Variants in PDE1C observed in about 807,000 individuals in gnomAD.
PDE1C encodes the protein dual specificity calcium/calmodulin-dependent 3',5'-cyclic nucleotide phosphodiesterase 1C.
A neutral mutation model predicts 93.1 loss-of-function variants in PDE1C; 62 were observed. The ratio of observed to expected loss-of-function variants is 0.67; its 90% CI spans 0.54 to 0.82. PDE1C has a LOEUF of 0.82. PDE1C is among the 40% of genes least tolerant of loss of function. PDE1C has a pLI of 0.00. For missense variants in PDE1C, 742 were observed against 884.6 expected (o/e 0.84, Z 2.04); for synonymous variants, 325 against 310.1 (o/e 1.05, Z -0.50).
intron 2 of PDE1C, among the ~76,000 whole-genome samples, chr7:31,994,157 T>C (rs186787996): frequency 1.3e-5 from 2 of 152,256 alleles, no homozygotes; most frequent in Admixed American, 6.5e-5. Context: ...AATCACAATG[T>C]GTGGTAGAAA....
At chr7:32,346,054 C>T (rs1585119196) in intron 1 of PDE1C, among the ~76,000 whole-genome samples, 2 of 152,232 alleles carry the variant, frequency 1.3e-5, no homozygotes, top group East Asian at 3.9e-4. Flanking sequence ...TCATAATGGC[C>T]CAAAACTGGA....
At chr7:32,283,853 G>T (rs1008511163) in intron 1 of PDE1C, among the ~76,000 whole-genome samples, 1 of 152,142 alleles carries the variant, frequency 6.6e-6, no homozygotes, top group African/African-American at 2.4e-5. Flanking sequence ...CAGCCATACC[G>T]CAGAACTCCA....
Position 31,775,696 on chromosome 7 carries a change from CTTGGGGCTGGTG to C in PDE1C, c.1916_1927del (p.Ser639_Ser643delinsCys). 1 of 1,612,772 alleles carries C rather than the reference CTTGGGGCTGGTG, an allele frequency of 6.2e-7. No homozygotes were observed. The highest frequency in any genetic ancestry group is 8.5e-7 in the Non-Finnish European group (1 of 1,179,854). On this transcript the variant is annotated inframe_deletion, in exon 17 of 18. Coordinates refer to ENST00000396191, the MANE Select transcript of PDE1C (RefSeq NM_001191057.4). Reference sequence around the variant, plus strand: ...CGTAAGGCGACACGTGGAGCTGGTGCTTGGGGCTGGTGAGCCGTGAGAACGCTGTTTTGTGCC... The same window carrying C: ...CGTAAGGCGACACGTGGAGCTGGTGCAGCCGTGAGAACGCTGTTTTGTGCC...
chr7:31,878,415 C>A (rs980292086), intron 4 of PDE1C, among the ~76,000 whole-genome samples: 37 of 152,140 alleles, frequency 2.4e-4, no homozygotes, highest in African/African-American at 8.7e-4. Flanking sequence ...ATAGCTTGTT[C>A]TTTAGAACTG....
intron 2 of PDE1C, among the ~76,000 whole-genome samples, chr7:32,182,205 G>A (rs1259924195): frequency 6.6e-6 from 1 of 152,122 alleles, no homozygotes; most frequent in Non-Finnish European, 1.5e-5. Flanking sequence ...ATTCACAGCC[G>A]AATTCTACCA....
At chr7:32,136,165 A>AAGATGAACAAGTTAAGGGG (rs1177856079) in intron 3 of PDE1C, among the ~76,000 whole-genome samples, 1 of 152,120 alleles carries the variant, frequency 6.6e-6, no homozygotes, top group Non-Finnish European at 1.5e-5. Flanking sequence ...TTTAAGTTAT[A>AAGATGAACAAGTTAAGGGG]AGATGAACAA....
chr7:31,937,386 T>A (rs1183878325), intron 2 of PDE1C, among the ~76,000 whole-genome samples: 1 of 152,226 alleles, frequency 6.6e-6, no homozygotes, highest in African/African-American at 2.4e-5. Flanking sequence ...GAATTTGGTA[T>A]CTTACTGCTA....
intron 2 of PDE1C, among the ~76,000 whole-genome samples, chr7:32,204,991 T>C (rs1292529163): frequency 3.3e-5 from 5 of 152,202 alleles, no homozygotes; most frequent in South Asian, 2.1e-4. Context: ...TAAGTATATA[T>C]GAAATTAAAG....
At position 31,808,628 on chromosome 7, in the gene PDE1C, AC is replaced by A. The variant is rs3840586; in HGVS notation, c.1891+402del. 9.5e-4 allele frequency among the ~76,000 whole-genome samples: 145 copies of A among 152,128 alleles called. 2 individuals carry two copies. The East Asian group carries it at 0.024, about 25-fold the overall frequency. ...ATAAGAACTAGTTCAAGGAAAAAAA[AC>A]ATGAAAACATAAAACATGGAACATT... On this transcript the variant is annotated intron_variant, in intron 16 of 17. Coordinates refer to ENST00000396191, the MANE Select transcript of PDE1C (RefSeq NM_001191057.4).
At chr7:32,355,984 G>C (rs905598351) in intron 1 of PDE1C, among the ~76,000 whole-genome samples, 1 of 152,162 alleles carries the variant, frequency 6.6e-6, no homozygotes, top group African/African-American at 2.4e-5. Context: ...ATTTCACTGG[G>C]ATGTGTTCCT....
chr7:31,743,799 A>T, the PDE1C span, among the ~76,000 whole-genome samples: 2 of 152,180 alleles, frequency 1.3e-5, no homozygotes, highest in African/African-American at 4.8e-5. Context: ...GGGCTGGTGT[A>T]GCAGTTCAGT....
chr7:32,170,558 A>G (rs537163235), intron 2 of PDE1C, among the ~76,000 whole-genome samples: 2 of 152,242 alleles, frequency 1.3e-5, no homozygotes, highest in East Asian at 3.9e-4. Flanking sequence ...CTCAACAGTG[A>G]GAAGTTGTGT....
the PDE1C span, among the ~76,000 whole-genome samples, chr7:31,634,908 G>A: frequency 6.6e-6 from 1 of 152,192 alleles, no homozygotes; most frequent in Non-Finnish European, 1.5e-5. Flanking sequence ...AAATGCCACT[G>A]AGGGCAATGA....
chr7:32,030,110 C>T (rs1365989693), intron 2 of PDE1C, among the ~76,000 whole-genome samples: 2 of 150,126 alleles, frequency 1.3e-5, no homozygotes, highest in African/African-American at 2.5e-5. Flanking sequence ...CACACACACA[C>T]ACACACACAC....
chr7:31,628,223 C>T, the PDE1C span, among the ~76,000 whole-genome samples: 1 of 152,166 alleles, frequency 6.6e-6, no homozygotes, highest in African/African-American at 2.4e-5. Context: ...CTTCAATCTC[C>T]TACTCCTACC....
the PDE1C span, among the ~76,000 whole-genome samples, chr7:31,743,580 CACACACACA>C: frequency 6.6e-6 from 1 of 151,408 alleles, no homozygotes; most frequent in African/African-American, 2.4e-5. Flanking sequence ...TGTGCGCACA[CACACACACA>C]CACACCAATT....
chr7:32,029,167 A>C (rs1400339865), intron 2 of PDE1C, among the ~76,000 whole-genome samples: 1 of 152,176 alleles, frequency 6.6e-6, no homozygotes, highest in Non-Finnish European at 1.5e-5. Context: ...ATTATTAGGG[A>C]AATGCAAAAT....
intron 1 of PDE1C, among the ~76,000 whole-genome samples, chr7:32,275,093 C>G (rs1050251638): frequency 3.7e-4 from 56 of 152,156 alleles, no homozygotes; most frequent in Non-Finnish European, 1.8e-4. Flanking sequence ...CTTGAAGTCA[C>G]ACAGTTAGGG....
chr7:32,141,926 T>G (rs1270194079), intron 3 of PDE1C, among the ~76,000 whole-genome samples: 4 of 151,900 alleles, frequency 2.6e-5, no homozygotes, highest in Non-Finnish European at 5.9e-5. Context: ...TATTCCCAAA[T>G]AAAAAGTTTA....
Sources: gnomAD v4.1 joint callset for allele counts (sites outside exome capture counted in the v4.1 genomes callset) on GRCh38, gnomAD v4.1.1 for gene constraint, MANE v1.5 for transcripts, NCBI Gene and HGNC (gene_info 2026-07-23, HGNC 2026-07-21) for gene names.